The following PIWIL1 variants were observed in gnomAD, a reference collection of about 807,000 sequenced individuals.
PIWIL1 encodes piwi like RNA-mediated gene silencing 1, also known as piwi-like protein 1.
A neutral mutation model predicts 114.4 loss-of-function variants in PIWIL1; 73 were observed. The observed-to-expected ratio is 0.64, with a 90% CI of 0.53 to 0.78. PIWIL1 has a LOEUF of 0.78. Ranked by LOEUF, PIWIL1 falls within the 30% of genes least tolerant of loss-of-function variation. The probability of loss-of-function intolerance (pLI) is 0.00; values close to 1 mark genes in which losing one functional copy is unlikely to be tolerated. For missense variants in PIWIL1, 723 were observed against 1,063.1 expected, an observed-to-expected ratio of 0.68 and a Z score of 4.45; for synonymous variants, 375 against 369.0, an observed-to-expected ratio of 1.02 and a Z score of -0.19.
the PIWIL1 span, among the ~76,000 whole-genome samples, chr12:130,404,659 A>G: frequency 2.6e-5 from 4 of 152,240 alleles, no homozygotes; most frequent in Non-Finnish European, 5.9e-5. Context: ...ATCTTTTCTG[A>G]CAGATGAAAG....
chr12:130,377,161 C>T (rs2073873309), downstream of PIWIL1, among the ~76,000 whole-genome samples: 1 of 152,348 alleles, frequency 6.6e-6, no homozygotes, highest in African/African-American at 2.4e-5. Flanking sequence ...GATGCTGAGC[C>T]CATGAGGGCC....
At chr12:130,421,803 G>A in the PIWIL1 span, among the ~76,000 whole-genome samples, 1 of 151,822 alleles carries the variant, frequency 6.6e-6, no homozygotes, top group Non-Finnish European at 1.5e-5. Context: ...AATTCTCCTT[G>A]CCATGATTGA....
chr12:130,378,436 T>C, the PIWIL1 span, among the ~76,000 whole-genome samples: 9 of 152,164 alleles, frequency 5.9e-5, no homozygotes, highest in African/African-American at 2.2e-4. Flanking sequence ...AAAAACACTG[T>C]TGAGGATTTT....
the PIWIL1 span, among the ~76,000 whole-genome samples, chr12:130,386,272 C>T: frequency 6.6e-6 from 1 of 152,092 alleles, no homozygotes; most frequent in Non-Finnish European, 1.5e-5. Flanking sequence ...TTGACCCCTG[C>T]ATATCTTTTA....
intron 19 of PIWIL1, among the ~76,000 whole-genome samples, chr12:130,369,128 A>G (rs946796381): frequency 6.6e-6 from 1 of 152,156 alleles, no homozygotes; most frequent in African/African-American, 2.4e-5. Flanking sequence ...ACTTCTGCTT[A>G]TAAGTGAGAA....
chr12:130,387,906 CAG>C, the PIWIL1 span, among the ~76,000 whole-genome samples: 2 of 152,190 alleles, frequency 1.3e-5, no homozygotes, highest in African/African-American at 4.8e-5. Context: ...CTTTTATAGA[CAG>C]AGTTTTCTGT....
the PIWIL1 span, among the ~76,000 whole-genome samples, chr12:130,408,434 A>G: frequency 6.6e-6 from 1 of 152,206 alleles, no homozygotes; most frequent in Non-Finnish European, 1.5e-5. Context: ...GCCGTAGAGA[A>G]GATCCCAGCT....
chr12:130,386,267 C>T, the PIWIL1 span, among the ~76,000 whole-genome samples: 1 of 152,022 alleles, frequency 6.6e-6, no homozygotes, highest in African/African-American at 2.4e-5. Flanking sequence ...TATCATTGAC[C>T]CCTGCATATC....
intron 14 of PIWIL1, among the ~76,000 whole-genome samples, chr12:130,357,783 A>G (rs1313659333): frequency 1.3e-5 from 2 of 152,218 alleles, no homozygotes; most frequent in African/African-American, 4.8e-5. Context: ...GGAGAAAAAC[A>G]AAGCCATCTT....
the PIWIL1 span, among the ~76,000 whole-genome samples, chr12:130,393,832 C>G: frequency 6.6e-6 from 1 of 152,210 alleles, no homozygotes; most frequent in Non-Finnish European, 1.5e-5. Flanking sequence ...GCGTAAGACA[C>G]ACGATAGAGA....
the PIWIL1 span, among the ~76,000 whole-genome samples, chr12:130,423,003 T>C: frequency 6.6e-6 from 1 of 152,128 alleles, no homozygotes; most frequent in African/African-American, 2.4e-5. Context: ...AAAAGTCGTA[T>C]GTGAGGTTTC....
chr12:130,350,112 A>G (rs1184914408), intron 9 of PIWIL1, 145 bp downstream of exon 9: 5 of 550,010 alleles, frequency 9.1e-6, no homozygotes, highest in Non-Finnish European at 1.3e-5. Flanking sequence ...AATTTTATTC[A>G]TTACCAAATT....
the PIWIL1 span, among the ~76,000 whole-genome samples, chr12:130,415,383 G>A: frequency 1.3e-5 from 2 of 152,120 alleles, no homozygotes; most frequent in African/African-American, 2.4e-5. Context: ...CAACAATCTA[G>A]GCATTGAAAG....
the PIWIL1 span, among the ~76,000 whole-genome samples, chr12:130,409,986 C>T: frequency 2.6e-4 from 39 of 152,320 alleles, no homozygotes; most frequent in African/African-American, 8.4e-4. Context: ...TTTTGCAGAG[C>T]GGTGATGCCA....
rs1006734433 is a variant in PIWIL1, at chr12:130,361,377, C to T, written c.1863C>T (p.Ile621=). 1 of 1,613,862 alleles carries T rather than the reference C, an allele frequency of 6.2e-7. No individual in the cohort carries two copies. Among genetic ancestry groups the T allele is most frequent in the African/African-American group, 1.3e-5 (1 of 74,898 alleles). ...GAGGAGAGCTCTGGAGGGTGGACAT[C>T]CCCGTGAGTTTGATTTAATTGGTAG... is the stretch of plus-strand genomic sequence containing the variant. ...KMGGELWRVD[I]PLKLVMIVGI... The change falls in exon 15 of 21, where the codon ATC becomes ATT. Residue 621 remains isoleucine, a synonymous_variant. Coordinates refer to ENST00000245255, the MANE Select transcript of PIWIL1 (RefSeq NM_004764.5).
chr12:130,362,885 C>T, intron 17 of PIWIL1, 49 bp downstream of exon 17: 1 of 1,610,226 alleles, frequency 6.2e-7, no homozygotes, highest in Non-Finnish European at 8.5e-7. Flanking sequence ...TGGGGTCTTC[C>T]AGAAATTACC....
chr12:130,397,617 C>T, the PIWIL1 span: 2 of 397,934 alleles, frequency 5.0e-6, no homozygotes, highest in Non-Finnish European at 8.9e-6. Context: ...TTGGTAACAT[C>T]GTACTGTCCC....
intron 18 of PIWIL1, among the ~76,000 whole-genome samples, chr12:130,363,820 G>A (rs532133433): frequency 3.3e-5 from 5 of 151,926 alleles, no homozygotes; most frequent in South Asian, 4.2e-4. Context: ...GTTTCACCAC[G>A]TTTGCCAAGC....
At position 130,345,715 on chromosome 12, in the gene PIWIL1, G is replaced by A. The variant is rs781156043; in HGVS notation, c.191-38G>A. 105 of 1,610,168 alleles carry A rather than the reference G, an allele frequency of 6.5e-5. 1 individual carries two copies. In the Admixed American group the frequency reaches 9.0e-4, roughly 14 times the overall value. On this transcript the variant is annotated intron_variant, in intron 3 of 20. Coordinates refer to ENST00000245255, the MANE Select transcript of PIWIL1 (RefSeq NM_004764.5). The stretch of plus-strand genomic sequence containing the variant: ...AGTTAATATTGTCATCCTTTATTTC[G>A]TGCTTTATGTTGCTCAAGTACACAA...
Sources: gnomAD v4.1 joint callset for allele counts (sites outside exome capture counted in the v4.1 genomes callset) on GRCh38, gnomAD v4.1.1 for gene constraint, MANE v1.5 for transcripts, NCBI Gene and HGNC (gene_info 2026-07-23, HGNC 2026-07-21) for gene names.